ARHGAP15: variants seen among roughly 807,000 people sequenced by gnomAD.
The protein encoded by ARHGAP15 is Rho GTPase activating protein 15.
A neutral mutation model predicts 63.7 loss-of-function variants in ARHGAP15; 51 were observed. The ratio of observed to expected loss-of-function variants is 0.80; its 90% CI spans 0.64 to 1.01. The LOEUF is 1.01. Ranked by LOEUF, ARHGAP15 falls within the 50% of genes least tolerant of loss-of-function variation. The pLI is 0.00. For missense variants in ARHGAP15, 560 were observed against 564.6 expected (o/e 0.99, Z 0.08); for synonymous variants, 191 against 193.8 (o/e 0.99, Z 0.12).
intron 12 of ARHGAP15, among the ~76,000 whole-genome samples, chr2:143,633,204 T>A (rs1339799900): frequency 6.6e-6 from 1 of 152,206 alleles, no homozygotes; most frequent in African/African-American, 2.4e-5. Context: ...TGTGTGCACG[T>A]GTGCACGCAA....
intron 8 of ARHGAP15, among the ~76,000 whole-genome samples, chr2:143,485,323 G>C (rs1692276765): frequency 6.6e-6 from 1 of 152,092 alleles, no homozygotes; most frequent in Non-Finnish European, 1.5e-5. Context: ...CTGGGAAGCT[G>C]TCTACCTTTC....
At chr2:143,367,728 T>C (rs1558924154) in intron 6 of ARHGAP15, among the ~76,000 whole-genome samples, 1 of 152,012 alleles carries the variant, frequency 6.6e-6, no homozygotes, top group Non-Finnish European at 1.5e-5. Context: ...CTGTAATTCA[T>C]GCTTCATGTG....
intron 6 of ARHGAP15, among the ~76,000 whole-genome samples, chr2:143,368,069 A>C (rs902350271): frequency 6.6e-6 from 1 of 152,080 alleles, no homozygotes; most frequent in Non-Finnish European, 1.5e-5. Context: ...TGCTAACATC[A>C]TTAATCTTCA....
rs536131785 is a variant in ARHGAP15 at position 143,364,995 on chromosome 2, G to A, written c.475-70606G>A. ...CACTCCAGCCTTGGCAACAGAGCGA[G>A]ACTCTGTGTGGGAAATAAAATAAAT... On this transcript the variant is annotated intron_variant, in intron 6 of 13. Coordinates refer to ENST00000295095, the MANE Select transcript of ARHGAP15 (RefSeq NM_018460.4). Among the ~76,000 whole-genome samples the A allele has an allele frequency of 5.9e-5, 9 of 151,792 alleles. No homozygotes were observed. The East Asian group carries it at 1.2e-3, about 20-fold the overall frequency.
rs778200413 is a variant in ARHGAP15, at chr2:143,487,384, C to A, written c.715C>A (p.His239Asn). 5 of 1,613,020 alleles carry A rather than the reference C, an allele frequency of 3.1e-6. No homozygotes were observed. Among genetic ancestry groups the A allele is most frequent in the Non-Finnish European group, 8.5e-7 (1 of 1,179,686 alleles). The change falls in exon 9 of 14, where the codon CAT (histidine) becomes AAT (asparagine). Residue 239 changes from histidine to asparagine, a missense_variant. Transcript: ENST00000295095. ...EHRKSLMFRL[H>N]HSASDTSDKN... The stretch of plus-strand genomic sequence containing the variant: ...TTTTAAATCTTCAGTGTTCAGACTG[C>A]ATCACAGTGCTTCCGATACAAGCGA...
intron 6 of ARHGAP15, among the ~76,000 whole-genome samples, chr2:143,337,739 T>TA (rs111943872): frequency 1.7e-4 from 25 of 150,670 alleles, no homozygotes; most frequent in South Asian, 1.1e-3. Context: ...ATATCAAACA[T>TA]AAAAAAAAAG....
chr2:143,535,534 T>C (rs1347435895), intron 10 of ARHGAP15, among the ~76,000 whole-genome samples: 1 of 152,242 alleles, frequency 6.6e-6, no homozygotes, highest in Non-Finnish European at 1.5e-5. Flanking sequence ...GAAAGAATTA[T>C]CTTCCCAGAT....
intron 6 of ARHGAP15, chr2:143,435,153 C>A: frequency 1.8e-6 from 1 of 562,684 alleles, no homozygotes; most frequent in Non-Finnish European, 2.3e-6. Flanking sequence ...GGTAAATAAA[C>A]TGTTTTAGAG....
intron 12 of ARHGAP15, among the ~76,000 whole-genome samples, chr2:143,643,838 C>T (rs1169260384): frequency 6.6e-6 from 1 of 151,824 alleles, no homozygotes; most frequent in Non-Finnish European, 1.5e-5. Flanking sequence ...GCTAGATAAC[C>T]AAGAGGATAG....
chr2:143,740,306 G>A (rs187412909), intron 13 of ARHGAP15, among the ~76,000 whole-genome samples: 8 of 152,228 alleles, frequency 5.3e-5, no homozygotes, highest in East Asian at 1.9e-4. Flanking sequence ...TGTCCTGACC[G>A]TTGTGGCTAC....
At position 143,426,963 on chromosome 2, in the gene ARHGAP15, G is replaced by A. The variant is rs149068139; in HGVS notation, c.475-8638G>A. 8.0e-3 allele frequency among the ~76,000 whole-genome samples: 1,220 copies of A among 152,198 alleles called. 15 individuals carry two copies. The highest frequency in any genetic ancestry group is 0.028 in the African/African-American group (1,164 of 41,528). On this transcript the variant is annotated intron_variant, in intron 6 of 13. Transcript: ENST00000295095. ...ACCTGGAGTTGAATTGTCTTGAGCC[G>A]GAAGGCATTCAAGTTGCTGTTTTTT...
intron 13 of ARHGAP15, among the ~76,000 whole-genome samples, chr2:143,710,956 G>A (rs955922032): frequency 1.3e-5 from 2 of 152,152 alleles, no homozygotes; most frequent in African/African-American, 2.4e-5. Flanking sequence ...ATTCCTTCAG[G>A]AAGTCTCAAA....
At chr2:143,241,863 G>A (rs888868941) in intron 5 of ARHGAP15, among the ~76,000 whole-genome samples, 6 of 152,180 alleles carry the variant, frequency 3.9e-5, no homozygotes, top group African/African-American at 1.4e-4. Flanking sequence ...GAAGTGATGG[G>A]CAGTGGTACA....
chr2:143,155,828 A>C (rs1690057212), intron 2 of ARHGAP15, among the ~76,000 whole-genome samples, 173 bp downstream of exon 2: 2 of 151,888 alleles, frequency 1.3e-5, no homozygotes, highest in East Asian at 1.9e-4. Context: ...CCCCAGTTGC[A>C]AGAGAAGAGC....
At chr2:143,498,460 G>C (rs1692917823) in intron 9 of ARHGAP15, among the ~76,000 whole-genome samples, 1 of 152,134 alleles carries the variant, frequency 6.6e-6, no homozygotes, top group Admixed American at 6.5e-5. Flanking sequence ...GCTTTTCTTT[G>C]AAATTGACTA....
At chr2:143,754,767 C>G (rs2105534577) in intron 13 of ARHGAP15, among the ~76,000 whole-genome samples, 1 of 152,326 alleles carries the variant, frequency 6.6e-6, no homozygotes, top group Non-Finnish European at 1.5e-5. Flanking sequence ...AAATCTTTCT[C>G]TAGCCTGGCA....
chr2:143,531,955 T>A (rs1694539269), intron 10 of ARHGAP15, among the ~76,000 whole-genome samples: 1 of 152,222 alleles, frequency 6.6e-6, no homozygotes, highest in South Asian at 2.1e-4. Context: ...ACTTTCAAGT[T>A]TATGCTTTGA....
chr2:143,430,908 G>A (rs1334021200), intron 6 of ARHGAP15, among the ~76,000 whole-genome samples: 1 of 151,848 alleles, frequency 6.6e-6, no homozygotes, highest in Non-Finnish European at 1.5e-5. Flanking sequence ...TACTATTTCA[G>A]TTTCACTAAA....
chr2:143,496,228 A>G (rs1042715158), intron 9 of ARHGAP15, among the ~76,000 whole-genome samples: 1 of 152,124 alleles, frequency 6.6e-6, no homozygotes, highest in Non-Finnish European at 1.5e-5. Context: ...TTCAATAATA[A>G]GATACAGGAC....
Sources: allele counts gnomAD v4.1 joint callset (sites outside exome capture counted in the v4.1 genomes callset), GRCh38; gene constraint gnomAD v4.1.1; transcripts MANE v1.5; gene names NCBI Gene and HGNC (gene_info 2026-07-23, HGNC 2026-07-21).